CTNND2: variants seen among roughly 807,000 people sequenced by gnomAD.
CTNND2 encodes catenin delta 2.
A neutral mutation model predicts 144.4 loss-of-function variants in CTNND2; 22 were observed. The ratio of observed to expected loss-of-function variants is 0.15; its 90% CI spans 0.11 to 0.22. CTNND2 has a LOEUF of 0.22. CTNND2 is among the 10% of genes least tolerant of loss of function. CTNND2 has a pLI of 1.00. For missense variants in CTNND2, 1,353 were observed against 1,618.8 expected (o/e 0.84, Z 2.82); for synonymous variants, 751 against 695.6 (o/e 1.08, Z -1.25).
At chr5:11,828,549 G>C (rs1793722052) in intron 1 of CTNND2, among the ~76,000 whole-genome samples, 1 of 151,988 alleles carries the variant, frequency 6.6e-6, no homozygotes, top group East Asian at 1.9e-4. Flanking sequence ...TAAATAAATA[G>C]AAAAAGGGGA....
At chr5:11,273,030 C>T (rs904328862) in intron 9 of CTNND2, among the ~76,000 whole-genome samples, 1 of 152,166 alleles carries the variant, frequency 6.6e-6, no homozygotes, top group Non-Finnish European at 1.5e-5. Context: ...TTCTTACTGG[C>T]AGACCTGTAT....
chr5:11,152,198 T>C (rs759583309), intron 12 of CTNND2, among the ~76,000 whole-genome samples: 16 of 152,238 alleles, frequency 1.1e-4, no homozygotes, highest in Non-Finnish European at 2.2e-4. Context: ...GTCTGGGGCA[T>C]ATAATGATGA....
At chr5:11,872,927 A>C (rs1416230507) in intron 1 of CTNND2, among the ~76,000 whole-genome samples, 1 of 152,240 alleles carries the variant, frequency 6.6e-6, no homozygotes, top group African/African-American at 2.4e-5. Flanking sequence ...ACCATTCAGG[A>C]CATAGGCATT....
At chr5:11,743,850 T>C (rs1788158049) in intron 1 of CTNND2, among the ~76,000 whole-genome samples, 1 of 152,110 alleles carries the variant, frequency 6.6e-6, no homozygotes, top group Non-Finnish European at 1.5e-5. Flanking sequence ...TCAACATAGC[T>C]TGGTGGGTCA....
intron 2 of CTNND2, among the ~76,000 whole-genome samples, chr5:11,667,049 A>T (rs2467000): frequency 4.0e-5 from 6 of 151,788 alleles, no homozygotes; most frequent in Non-Finnish European, 7.4e-5. Context: ...TAGTTTACTG[A>T]GAATGATGGT....
At chr5:11,625,165 T>C (rs575520365) in intron 2 of CTNND2, among the ~76,000 whole-genome samples, 1 of 152,114 alleles carries the variant, frequency 6.6e-6, no homozygotes, top group Non-Finnish European at 1.5e-5. Flanking sequence ...AGTGTACCTT[T>C]TGTTTCTTGC....
intron 18 of CTNND2, among the ~76,000 whole-genome samples, chr5:11,005,037 C>T (rs2149517318): frequency 6.6e-6 from 1 of 152,304 alleles, no homozygotes. Flanking sequence ...AGGAAAAGTA[C>T]AGGTTATTGG....
rs750005040 is a variant in CTNND2, at chr5:11,098,743, A to G, written c.2469T>C (p.Asp823=). The part of the protein sequence containing the change: ...KKKKKSQDQW[D]GVGPLPDCAE... Reference sequence around the variant, plus strand: ...CACAGTCTGGAAGAGGTCCTACTCCATCCCACTGGCGGAAGAAAAACAAGA... The same window carrying G: ...CACAGTCTGGAAGAGGTCCTACTCCGTCCCACTGGCGGAAGAAAAACAAGA... The change falls in exon 15 of 22, where the codon GAT becomes GAC. Residue 823 remains aspartate, a synonymous_variant. Transcript: ENST00000304623. The G allele has an allele frequency of 2.5e-6, 4 of 1,611,224 alleles. No individual in the cohort carries two copies. In the South Asian group the frequency reaches 4.4e-5, roughly 18 times the overall value.
intron 18 of CTNND2, among the ~76,000 whole-genome samples, chr5:11,013,706 T>C (rs1741322139): frequency 6.6e-6 from 1 of 152,210 alleles, no homozygotes; most frequent in Admixed American, 6.5e-5. Context: ...ACAGCTGACA[T>C]TAAAGCCATT....
chr5:11,316,367 A>AG (rs1389678379), intron 9 of CTNND2, among the ~76,000 whole-genome samples: 1 of 152,014 alleles, frequency 6.6e-6, no homozygotes, highest in Non-Finnish European at 1.5e-5. Context: ...CTGGGACTAT[A>AG]GGCGCCTGCC....
At chr5:11,160,618 G>A (rs1341921029) in intron 11 of CTNND2, among the ~76,000 whole-genome samples, 1 of 152,148 alleles carries the variant, frequency 6.6e-6, no homozygotes, top group African/African-American at 2.4e-5. Context: ...AAAAGGAACA[G>A]AGAATAACAT....
chr5:11,606,389 A>G (rs1433278106), intron 2 of CTNND2, among the ~76,000 whole-genome samples: 1 of 152,190 alleles, frequency 6.6e-6, no homozygotes, highest in Non-Finnish European at 1.5e-5. Flanking sequence ...TGGCAGAAGC[A>G]ATACAAAACT....
intron 16 of CTNND2, among the ~76,000 whole-genome samples, chr5:11,074,231 C>A (rs553307116): frequency 1.1e-3 from 163 of 152,228 alleles, no homozygotes; most frequent in African/African-American, 3.7e-3. Context: ...CTGTCACGTG[C>A]CAGCCATTAG....
rs558745152 is a variant in CTNND2 at position 11,053,366 on chromosome 5, C to A, written c.2788+29330G>T. ...TCTTTGGAATAAAGCAAAGCATATT[C>A]AATACTGAAGAGGGAATTCAACTAC... On this transcript the variant is annotated intron_variant, in intron 16 of 21. Transcript: ENST00000304623. 2.6e-5 allele frequency among the ~76,000 whole-genome samples: 4 copies of A among 152,288 alleles called. No individual in the cohort carries two copies. In the South Asian group the frequency reaches 8.3e-4, roughly 32 times the overall value.
At chr5:11,669,177 T>C (rs887948833) in intron 2 of CTNND2, among the ~76,000 whole-genome samples, 1 of 152,196 alleles carries the variant, frequency 6.6e-6, no homozygotes, top group Non-Finnish European at 1.5e-5. Context: ...AGTATTTTAT[T>C]GAGGATTTTC....
chr5:11,530,436 C>T (rs925987383), intron 3 of CTNND2, among the ~76,000 whole-genome samples: 1 of 152,154 alleles, frequency 6.6e-6, no homozygotes, highest in Admixed American at 6.5e-5. Context: ...GGAAGTCCCC[C>T]TCCCTGCTTT....
intron 11 of CTNND2, among the ~76,000 whole-genome samples, chr5:11,182,571 C>T (rs1408694630): frequency 6.6e-6 from 1 of 152,010 alleles, no homozygotes; most frequent in Non-Finnish European, 1.5e-5. Context: ...CAGGTGATTG[C>T]CCTCAACTTC....
intron 11 of CTNND2, among the ~76,000 whole-genome samples, chr5:11,186,960 T>C (rs567402634): frequency 3.3e-5 from 5 of 152,276 alleles, no homozygotes; most frequent in African/African-American, 1.2e-4. Context: ...TACGTAGCAC[T>C]ATGACCGGTA....
At chr5:11,107,314 T>G (rs758632264) in intron 14 of CTNND2, among the ~76,000 whole-genome samples, 6 of 152,238 alleles carry the variant, frequency 3.9e-5, no homozygotes, top group Non-Finnish European at 8.8e-5. Flanking sequence ...GAAGAAACTG[T>G]TAAAGTTCAA....
Sources: allele counts gnomAD v4.1 joint callset (sites outside exome capture counted in the v4.1 genomes callset), GRCh38; gene constraint gnomAD v4.1.1; transcripts MANE v1.5; gene names NCBI Gene and HGNC (gene_info 2026-07-23, HGNC 2026-07-21).